Variants in ALX1 observed in about 807,000 individuals in gnomAD.
ALX1 encodes the protein ALX homeobox 1.
ALX1 carries 19 observed loss-of-function variants against 31.7 expected under a neutral mutation model. That is an observed-to-expected ratio of 0.60 (90% CI 0.42 to 0.88). ALX1 has a LOEUF of 0.88. Ranked by LOEUF, ALX1 falls within the 40% of genes least tolerant of loss-of-function variation. ALX1 has a pLI of 0.00. For missense variants in ALX1, 415 were observed against 407.8 expected (o/e 1.02, Z -0.15); for synonymous variants, 153 against 148.8 (o/e 1.03, Z -0.20).
intron 3 of ALX1, among the ~76,000 whole-genome samples, chr12:85,296,214 GT>G (rs1296190521): frequency 6.6e-6 from 1 of 151,312 alleles, no homozygotes; most frequent in Admixed American, 6.6e-5. Context: ...AGGTTCTAAG[GT>G]AAAAAATAAA....
chr12:85,289,258 T>A (rs1896786890), intron 3 of ALX1, among the ~76,000 whole-genome samples: 1 of 151,236 alleles, frequency 6.6e-6, no homozygotes, highest in Non-Finnish European at 1.5e-5. Context: ...ATTCTGAATC[T>A]AAAACTTTAT....
intron 2 of ALX1, among the ~76,000 whole-genome samples, chr12:85,286,003 G>A (rs958554258): frequency 4.6e-5 from 7 of 151,892 alleles, no homozygotes; most frequent in Non-Finnish European, 8.8e-5. Flanking sequence ...AATTGTGGAA[G>A]ATAGCTTAGT....
chr12:85,283,939 A>C (rs1896714773), intron 2 of ALX1, 63 bp downstream of exon 2: 1 of 1,560,892 alleles, frequency 6.4e-7, no homozygotes, highest in Non-Finnish European at 8.8e-7. Context: ...AGAATAATTG[A>C]ATAAGTGCAT....
At chr12:85,293,090 A>G (rs550353512) in intron 3 of ALX1, among the ~76,000 whole-genome samples, 4 of 150,754 alleles carry the variant, frequency 2.7e-5, no homozygotes, top group Admixed American at 2.0e-4. Context: ...AAAATATCAT[A>G]TTGATATTGC....
chr12:85,293,712 G>T (rs915352068), intron 3 of ALX1, among the ~76,000 whole-genome samples: 4 of 151,110 alleles, frequency 2.6e-5, no homozygotes, highest in African/African-American at 9.7e-5. Flanking sequence ...AATGAATGTT[G>T]CAGAGTGCCA....
Position 85,280,412 on chromosome 12 carries a change from C to A in ALX1, c.151C>A (p.Gln51Lys), listed in dbSNP as rs781138367. 6.2e-7 allele frequency: 1 copy of A among 1,613,240 alleles called. No individual in the cohort carries two copies. The highest frequency in any genetic ancestry group is 1.1e-5 in the South Asian group (1 of 91,056). ...CAAAGCGTCTGCAGGCAAATGCGTG[C>A]AGGCCTTCGGACCCCTGCCCCGCGC... ...YSKASAGKCVQAFGPLPRAEH... is the reference protein window; with the variant it reads ...YSKASAGKCVKAFGPLPRAEH... The change falls in exon 1 of 4, where the codon CAG (glutamine) becomes AAG (lysine). Residue 51 changes from glutamine (Q) to lysine (K), a missense_variant. By Grantham distance (53) the Gln-to-Lys change is moderately conservative. Around this residue, in one of 3 missense-constraint regions of ALX1, gnomAD observed 235 missense variants for 208.9 expected, o/e 1.13. Coordinates refer to ENST00000316824, the MANE Select transcript of ALX1 (RefSeq NM_006982.3).
At chr12:85,284,267 T>C (rs1896719952) in intron 2 of ALX1, among the ~76,000 whole-genome samples, 1 of 150,390 alleles carries the variant, frequency 6.6e-6, no homozygotes, top group South Asian at 2.1e-4. Flanking sequence ...CTTTTTTAGA[T>C]TATATATCAG....
intron 2 of ALX1, among the ~76,000 whole-genome samples, chr12:85,286,196 A>G (rs895370181): frequency 6.6e-6 from 1 of 151,892 alleles, no homozygotes; most frequent in South Asian, 2.1e-4. Flanking sequence ...GTATTTTAAA[A>G]CCATAGTTCA....
chr12:85,280,873 T>C (rs1457368255), intron 1 of ALX1, among the ~76,000 whole-genome samples: 3 of 151,572 alleles, frequency 2.0e-5, no homozygotes, highest in African/African-American at 7.3e-5. Context: ...GTCCGGGCGG[T>C]AGGAACTGAA....
intron 1 of ALX1, among the ~76,000 whole-genome samples, chr12:85,283,126 A>G (rs1157537422): frequency 6.6e-6 from 1 of 152,236 alleles, no homozygotes; most frequent in Non-Finnish European, 1.5e-5. Context: ...ATATTAGTAC[A>G]GAGGTATTAT....
Position 85,295,306 on chromosome 12 carries a change from C to T in ALX1, c.661-5849C>T, listed in dbSNP as rs188702859. On this transcript the variant is annotated intron_variant, in intron 3 of 3. Coordinates refer to ENST00000316824, the MANE Select transcript of ALX1 (RefSeq NM_006982.3). The stretch of plus-strand genomic sequence containing the variant: ...AAAGTTAGTCAATAGCTAAAAATAT[C>T]TGCATGTTGCTAAGCATATGATTCT... Among the ~76,000 whole-genome samples, 6 of 151,502 alleles carry T rather than the reference C, an allele frequency of 4.0e-5. No individual in the cohort carries two copies. In the Admixed American group the frequency reaches 4.0e-4, roughly 10 times the overall value.
chr12:85,281,156 A>C (rs1471061294), intron 1 of ALX1, among the ~76,000 whole-genome samples: 1 of 152,214 alleles, frequency 6.6e-6, no homozygotes, highest in Non-Finnish European at 1.5e-5. Context: ...AGCTTCGGGC[A>C]AACCATCCCC....
chr12:85,300,854 A>G (rs1896955293), intron 3 of ALX1, among the ~76,000 whole-genome samples: 1 of 152,134 alleles, frequency 6.6e-6, no homozygotes, highest in Non-Finnish European at 1.5e-5. Context: ...TCATGACTCA[A>G]TCTTCCAGAT....
chr12:85,296,110 A>G (rs1165666270), intron 3 of ALX1, among the ~76,000 whole-genome samples: 1 of 151,564 alleles, frequency 6.6e-6, no homozygotes, highest in Non-Finnish European at 1.5e-5. Context: ...AGTACTCACT[A>G]TATAAAATCA....
At chr12:85,280,588 G>C in intron 1 of ALX1, 101 bp downstream of exon 1, 2 of 1,301,732 alleles carry the variant, frequency 1.5e-6, no homozygotes, top group Non-Finnish European at 2.1e-6. Context: ...AGAAAAGTGG[G>C]AGCGAGGGAC....
intron 3 of ALX1, among the ~76,000 whole-genome samples, chr12:85,290,838 C>T (rs1417607157): frequency 1.3e-5 from 2 of 151,016 alleles, no homozygotes; most frequent in Non-Finnish European, 1.5e-5. Flanking sequence ...CTGGGATGTG[C>T]CATCTGTCTG....
chr12:85,293,596 G>A (rs970858921), intron 3 of ALX1, among the ~76,000 whole-genome samples: 5 of 150,718 alleles, frequency 3.3e-5, no homozygotes, highest in African/African-American at 1.2e-4. Flanking sequence ...TAATGTGACT[G>A]TACACAGTAA....
chr12:85,298,105 A>C (rs534669023), intron 3 of ALX1, among the ~76,000 whole-genome samples: 1 of 151,760 alleles, frequency 6.6e-6, no homozygotes, highest in South Asian at 2.1e-4. Flanking sequence ...GAGACTATGA[A>C]CCTACACAAA....
Position 85,301,343 on chromosome 12 carries a change from C to G in ALX1, c.849C>G (p.Asp283Glu), listed in dbSNP as rs1276321691. 2 of 1,613,968 alleles carry G rather than the reference C, an allele frequency of 1.2e-6. No homozygotes were observed. The highest frequency in any genetic ancestry group is 2.7e-5 in the African/African-American group (2 of 74,908). The change falls in exon 4 of 4, where the codon GAC (aspartate) becomes GAG (glutamate). Residue 283 changes from aspartate (D) to glutamate (E), a missense_variant. Transcript: ENST00000316824. ...SHVPLNNFFT[D>E]SLLTGATNGH... ...TGCCCCTCAACAATTTTTTCACTGA[C>G]TCTCTTCTTACTGGGGCAACCAATG...
Sources: allele counts gnomAD v4.1 joint callset (sites outside exome capture counted in the v4.1 genomes callset), GRCh38; gene constraint gnomAD v4.1.1; regional missense constraint gnomAD v4.1.1; transcripts MANE v1.5; gene names NCBI Gene and HGNC (gene_info 2026-07-23, HGNC 2026-07-21).